WWC1: variants seen among roughly 807,000 people sequenced by gnomAD.
The protein encoded by WWC1 is WW and C2 domain containing 1, also known as protein KIBRA.
In WWC1, 55 loss-of-function variants were observed where a neutral mutation model predicts 138.4. The observed-to-expected ratio is 0.40, with a 90% confidence interval of 0.32 to 0.50. The LOEUF (loss-of-function observed/expected upper bound fraction) is 0.50, where lower values mean the gene tolerates loss of function less well. Among genes scored for constraint, WWC1 ranks in the 20% least tolerant of loss-of-function variants. The pLI is 0.72. For synonymous variants in WWC1, 524 were observed against 564.9 expected, an observed-to-expected ratio of 0.93 and a Z score of 1.03; for missense variants, 1,226 against 1,420.4, an observed-to-expected ratio of 0.86 and a Z score of 2.20.
intron 15 of WWC1, among the ~76,000 whole-genome samples, chr5:168,434,012 G>A (rs745767256): frequency 3.2e-4 from 49 of 152,266 alleles, no homozygotes; most frequent in Non-Finnish European, 1.0e-4. Context: ...GCGCCTCTGT[G>A]TTGTCTCTTT....
At chr5:168,435,133 A>T (rs975315883) in intron 15 of WWC1, among the ~76,000 whole-genome samples, 1 of 152,238 alleles carries the variant, frequency 6.6e-6, no homozygotes, top group East Asian at 1.9e-4. Flanking sequence ...CACTCATCAC[A>T]ATGACTAATT....
intron 1 of WWC1, among the ~76,000 whole-genome samples, chr5:168,370,640 C>A (rs1776679891): frequency 6.6e-6 from 1 of 152,220 alleles, no homozygotes; most frequent in African/African-American, 2.4e-5. Context: ...CCCAGCTTCC[C>A]ATACTCTGGT....
At chr5:168,388,611 A>G (rs11743424) in intron 3 of WWC1, among the ~76,000 whole-genome samples, 20 of 152,014 alleles carry the variant, frequency 1.3e-4, no homozygotes, top group Admixed American at 8.5e-4. Flanking sequence ...AGGTGGATCA[A>G]TTGAGGTCAG....
At chr5:168,425,098 G>A (rs1781401672) in intron 11 of WWC1, among the ~76,000 whole-genome samples, 1 of 152,204 alleles carries the variant, frequency 6.6e-6, no homozygotes, top group East Asian at 1.9e-4. Context: ...GTGAGGAATT[G>A]GAGATTCAGA....
At position 168,384,054 on chromosome 5, in the gene WWC1, C is replaced by T. The variant is rs547254309; in HGVS notation, c.230-1157C>T. On this transcript the variant is annotated intron_variant, in intron 2 of 22. Transcript: ENST00000265293. ...TGATTTTGATAGATAGTTATTTATT[C>T]GGTTTTATGACCTGCATATTATAAG... Among the ~76,000 whole-genome samples, 4 of 152,106 alleles carry T rather than the reference C, an allele frequency of 2.6e-5. 1 individual carries two copies. Among genetic ancestry groups the T allele is most frequent in the South Asian group, 2.1e-4 (1 of 4,812 alleles).
intron 1 of WWC1, among the ~76,000 whole-genome samples, chr5:168,324,424 C>T (rs1772365687): frequency 6.6e-6 from 1 of 151,744 alleles, no homozygotes; most frequent in South Asian, 2.1e-4. Context: ...CAGAGCGTGA[C>T]TCTGTCTCAA....
Position 168,292,256 on chromosome 5 carries a change from T to C in WWC1, c.104T>C (p.Ile35Thr), listed in dbSNP as rs1416083595. ...CACACGAACCGCACCACCAGCTGGATCGACCCGCGGGACAGGTAGGACCCT... is the reference window on the plus strand; with the variant it reads ...CACACGAACCGCACCACCAGCTGGACCGACCCGCGGGACAGGTAGGACCCT... ...IDHTNRTTSW[I>T]DPRDRYTKPL... Residue 35 changes from isoleucine to threonine, a missense_variant, in exon 1 of 23, where the codon ATC becomes ACC. Ile to Thr is a moderately conservative substitution (Grantham distance 89, BLOSUM62 -1). Transcript: ENST00000265293. The surrounding 1 kb of genome is among the most constrained non-coding windows in gnomAD (Gnocchi z 4.4). The C allele has an allele frequency of 6.3e-7, 1 of 1,598,818 alleles. No homozygotes were observed. The highest frequency in any genetic ancestry group is 1.3e-5 in the African/African-American group (1 of 74,292).
chr5:168,383,182 C>CAAAAAAAAAAA (rs67923145), intron 2 of WWC1, among the ~76,000 whole-genome samples: 1 of 106,634 alleles, frequency 9.4e-6, no homozygotes, highest in Admixed American at 9.2e-5. Flanking sequence ...ATCTCAAAAA[C>CAAAAAAAAAAA]AAAAAAAAAA....
At chr5:168,389,319 T>C (rs1297534988) in intron 3 of WWC1, among the ~76,000 whole-genome samples, 1 of 151,726 alleles carries the variant, frequency 6.6e-6, no homozygotes, top group Admixed American at 6.6e-5. Context: ...TGGTGGCGCA[T>C]GCCTGTAGTC....
intron 20 of WWC1, 92 bp downstream of exon 20, chr5:168,460,834 C>T: frequency 7.6e-7 from 1 of 1,316,810 alleles, no homozygotes; most frequent in Non-Finnish European, 1.1e-6. Flanking sequence ...TAATGTCTGG[C>T]CATTTCTCCT....
At position 168,385,438 on chromosome 5, in the gene WWC1, C is replaced by A. The variant is rs753230603; in HGVS notation, c.433+24C>A. ...CTGTGAGTACCTCCCACTACCACCA[C>A]CCCCACCGACACCAACAGAGAATGG... On this transcript the variant is annotated intron_variant, in intron 3 of 22. Coordinates refer to ENST00000265293, the MANE Select transcript of WWC1 (RefSeq NM_015238.3). The A allele has an allele frequency of 4.4e-6, 7 of 1,607,796 alleles. No individual in the cohort carries two copies. The East Asian group carries it at 1.3e-4, about 31-fold the overall frequency.
chr5:168,434,640 G>A (rs1782215365), intron 15 of WWC1, among the ~76,000 whole-genome samples: 1 of 152,184 alleles, frequency 6.6e-6, no homozygotes, highest in African/African-American at 2.4e-5. Context: ...GCTTCCTTAT[G>A]TGTAGCCATC....
chr5:168,329,517 C>G (rs1340066573), intron 1 of WWC1, among the ~76,000 whole-genome samples: 1 of 152,086 alleles, frequency 6.6e-6, no homozygotes, highest in South Asian at 2.1e-4. Context: ...AAGGAATGTC[C>G]GAAGCAAGTG....
intron 1 of WWC1, among the ~76,000 whole-genome samples, chr5:168,307,897 A>G (rs1215998127): frequency 6.6e-6 from 1 of 152,150 alleles, no homozygotes; most frequent in Non-Finnish European, 1.5e-5. Context: ...GGTGTGGGCC[A>G]CCATGCCCGG....
chr5:168,397,600 T>C, intron 3 of WWC1, 124 bp from the exon 4 acceptor site: 1 of 925,068 alleles, frequency 1.1e-6, no homozygotes, highest in South Asian at 1.5e-5. Context: ...TCCCCCTTTG[T>C]TGAACATTTA....
chr5:168,431,502 C>T (rs2152860855), intron 15 of WWC1, 58 bp downstream of exon 15: 1 of 1,542,050 alleles, frequency 6.5e-7, no homozygotes, highest in South Asian at 1.2e-5. Flanking sequence ...GGCTGGCTGG[C>T]TGACCGGCCT....
rs527952856 is a variant in WWC1, at chr5:168,444,073, T to G, written c.2434-421T>G. 2.0e-5 allele frequency among the ~76,000 whole-genome samples: 3 copies of G among 152,358 alleles called. No individual in the cohort carries two copies. In the East Asian group the frequency reaches 5.8e-4, roughly 29 times the overall value. ...CTCCCTGAATGCAACTTCCCAAGCT[T>G]TATCACTGTTCCGCTGTTCCCAAAC... On this transcript the variant is annotated intron_variant, in intron 16 of 22. Transcript: ENST00000265293.
At chr5:168,372,381 A>G (rs144467189) in intron 2 of WWC1, among the ~76,000 whole-genome samples, 420 of 152,312 alleles carry the variant, frequency 2.8e-3, no homozygotes, top group African/African-American at 9.4e-3. Flanking sequence ...GGGATTTTTC[A>G]GCCTCACTCT....
intron 6 of WWC1, among the ~76,000 whole-genome samples, chr5:168,406,680 G>A (rs1339715966): frequency 6.6e-6 from 1 of 152,000 alleles, no homozygotes; most frequent in Non-Finnish European, 1.5e-5. Context: ...GGTGGCTCAC[G>A]CCTGTAATCC....
Sources: gnomAD v4.1 joint callset for allele counts (sites outside exome capture counted in the v4.1 genomes callset) on GRCh38, gnomAD v4.1.1 for gene constraint, Gnocchi (gnomAD v3.1) non-coding constraint, MANE v1.5 for transcripts, NCBI Gene and HGNC (gene_info 2026-07-23, HGNC 2026-07-21) for gene names.